PDE8B: variants seen among roughly 807,000 people sequenced by gnomAD.
PDE8B encodes the protein high affinity cAMP-specific and IBMX-insensitive 3',5'-cyclic phosphodiesterase 8B.
In PDE8B, 26 loss-of-function variants were observed where a neutral mutation model predicts 101.3. The observed-to-expected ratio is 0.26, with a 90% CI of 0.19 to 0.36. The LOEUF (loss-of-function observed/expected upper bound fraction) is 0.36, where lower values mean the gene tolerates loss of function less well. PDE8B is among the 10% of genes least tolerant of loss of function. The pLI is 1.00. For synonymous variants in PDE8B, 424 were observed against 429.3 expected (o/e 0.99, Z 0.15); for missense variants, 810 against 1,163.1 (o/e 0.70, Z 4.42).
chr5:77,297,115 A>G (rs185705432), intron 1 of PDE8B, among the ~76,000 whole-genome samples: 199 of 152,238 alleles, frequency 1.3e-3, no homozygotes, highest in Admixed American at 4.9e-3. Flanking sequence ...AGTGTGGGAG[A>G]CAGAACAAAG....
intron 10 of PDE8B, among the ~76,000 whole-genome samples, chr5:77,385,839 A>G (rs1250526919): frequency 4.6e-5 from 6 of 131,046 alleles, no homozygotes; most frequent in African/African-American, 1.5e-4. Context: ...GCACTGTCGC[A>G]GTGCAATGGC....
the PDE8B span, among the ~76,000 whole-genome samples, chr5:77,204,056 T>G: frequency 1.3e-5 from 2 of 149,462 alleles, no homozygotes; most frequent in African/African-American, 2.5e-5. Context: ...CTTAGTTTTT[T>G]TTTTTTTTTT....
chr5:77,231,640 C>T (rs1301956848), intron 1 of PDE8B, among the ~76,000 whole-genome samples: 1 of 152,184 alleles, frequency 6.6e-6, no homozygotes, highest in African/African-American at 2.4e-5. Context: ...GTCCCGGTCC[C>T]ACGGGAAACA....
At chr5:77,176,718 G>T in the PDE8B span, among the ~76,000 whole-genome samples, 111 of 152,314 alleles carry the variant, frequency 7.3e-4, no homozygotes, top group Non-Finnish European at 1.2e-3. Flanking sequence ...CAAGGGAGAA[G>T]AAGGAAAGCC....
At chr5:77,112,301 G>A in the PDE8B span, 1 of 152,162 alleles carries the variant, frequency 6.6e-6, no homozygotes, top group Non-Finnish European at 1.5e-5. Context: ...TGTTAAAATG[G>A]GAAGTGAAAG....
chr5:77,363,713 GAA>G (rs34650604), intron 10 of PDE8B, among the ~76,000 whole-genome samples: 84 of 113,134 alleles, frequency 7.4e-4, no homozygotes, highest in Non-Finnish European at 1.1e-3. Flanking sequence ...CTCCATCGCA[GAA>G]AAAAAAAAAA....
chr5:77,237,473 A>G (rs1186300709), intron 1 of PDE8B, among the ~76,000 whole-genome samples: 3 of 152,096 alleles, frequency 2.0e-5, no homozygotes, highest in African/African-American at 7.2e-5. Flanking sequence ...GAACTTAGAA[A>G]CGATATTCTA....
the PDE8B span, among the ~76,000 whole-genome samples, chr5:77,127,200 G>C: frequency 2.0e-5 from 3 of 152,126 alleles, no homozygotes; most frequent in Non-Finnish European, 4.4e-5. Flanking sequence ...ATCTCATCTC[G>C]AATTGTAATC....
chr5:77,289,318 T>C (rs746372611), intron 1 of PDE8B, among the ~76,000 whole-genome samples: 7 of 152,210 alleles, frequency 4.6e-5, no homozygotes, highest in Non-Finnish European at 1.0e-4. Flanking sequence ...GCTTTTAACT[T>C]TTGTGGTTTA....
chr5:77,319,808 T>C (rs1774622488), intron 2 of PDE8B, among the ~76,000 whole-genome samples: 1 of 152,202 alleles, frequency 6.6e-6, no homozygotes, highest in African/African-American at 2.4e-5. Flanking sequence ...CAGCAGCTGA[T>C]CCAAAGTTAG....
chr5:77,097,729 A>ATATCTATATATATATATC, the PDE8B span, among the ~76,000 whole-genome samples: 153 of 68,648 alleles, frequency 2.2e-3, no homozygotes, highest in Non-Finnish European at 3.2e-3. Context: ...ATATATATAT[A>ATATCTATATATATATATC]TATACATACA....
At chr5:77,091,050 C>G in the PDE8B span, among the ~76,000 whole-genome samples, 2 of 152,134 alleles carry the variant, frequency 1.3e-5, no homozygotes, top group African/African-American at 4.8e-5. Flanking sequence ...ACAAGCATCC[C>G]CATTTCTCTA....
chr5:77,371,429 A>G (rs1785068810), intron 10 of PDE8B, among the ~76,000 whole-genome samples: 1 of 152,176 alleles, frequency 6.6e-6, no homozygotes, highest in Non-Finnish European at 1.5e-5. Flanking sequence ...TGTAATATTG[A>G]TCTGTTTCTG....
chr5:77,386,878 T>C (rs1788770880), intron 10 of PDE8B, among the ~76,000 whole-genome samples: 1 of 108,002 alleles, frequency 9.3e-6, no homozygotes, highest in African/African-American at 4.1e-5. Flanking sequence ...TTTTTTTTTT[T>C]TTTTTTTTTT....
chr5:77,314,047 T>C (rs2150138819), intron 2 of PDE8B, among the ~76,000 whole-genome samples: 1 of 152,330 alleles, frequency 6.6e-6, no homozygotes, highest in South Asian at 2.1e-4. Flanking sequence ...TTTTAGATCT[T>C]ACATTTAGCT....
intron 2 of PDE8B, among the ~76,000 whole-genome samples, chr5:77,322,468 A>G (rs751626116): frequency 2.6e-5 from 4 of 152,190 alleles, no homozygotes; most frequent in Non-Finnish European, 5.9e-5. Flanking sequence ...AGAAGGCCTT[A>G]TCATGGTCTA....
chr5:77,092,502 T>C, the PDE8B span: 1 of 152,322 alleles, frequency 6.6e-6, no homozygotes, highest in African/African-American at 2.4e-5. Flanking sequence ...GAGGATCTCA[T>C]TTCTGTACCC....
chr5:77,397,531 A>T (rs1192404482), intron 10 of PDE8B, among the ~76,000 whole-genome samples: 1 of 151,986 alleles, frequency 6.6e-6, no homozygotes, highest in African/African-American at 2.4e-5. Context: ...CATGACTCAG[A>T]TGAAACAAGG....
At chr5:77,177,419 A>G in the PDE8B span, among the ~76,000 whole-genome samples, 1 of 150,664 alleles carries the variant, frequency 6.6e-6, no homozygotes, top group South Asian at 2.1e-4. Flanking sequence ...GATGATAATA[A>G]GTAATAACAA....
Sources: gnomAD v4.1 joint callset for allele counts (sites outside exome capture counted in the v4.1 genomes callset) on GRCh38, gnomAD v4.1.1 for gene constraint, MANE v1.5 for transcripts, NCBI Gene and HGNC (gene_info 2026-07-23, HGNC 2026-07-21) for gene names.